GNPAT: variants seen among roughly 807,000 people sequenced by gnomAD.
GNPAT encodes the protein dihydroxyacetone phosphate acyltransferase.
Under a neutral mutation model 78.4 loss-of-function variants are expected in GNPAT, and 30 were observed. That is an observed-to-expected ratio of 0.38 (90% confidence interval 0.29 to 0.52). GNPAT has a LOEUF of 0.52. GNPAT is among the 20% of genes least tolerant of loss of function. The probability of loss-of-function intolerance (pLI) is 0.84; values close to 1 mark genes in which losing one functional copy is unlikely to be tolerated. For synonymous variants in GNPAT, 271 were observed against 281.1 expected (o/e 0.96, Z 0.36); for missense variants, 714 against 812.2 (o/e 0.88, Z 1.47).
At chr1:231,275,987 A>C in intron 14 of GNPAT, 148 bp from the exon 15 acceptor site, 1 of 607,152 alleles carries the variant, frequency 1.6e-6, no homozygotes, top group Non-Finnish European at 3.0e-6. Context: ...GAGGTGGGAC[A>C]GGAGCCTGAG....
chr1:231,247,280 T>C (rs1427789552), intron 1 of GNPAT, among the ~76,000 whole-genome samples: 1 of 152,134 alleles, frequency 6.6e-6, no homozygotes, highest in Non-Finnish European at 1.5e-5. Context: ...GTGACTTCAT[T>C]CTGTAATTTA....
chr1:231,275,260 T>C lies in GNPAT; in HGVS notation c.1783T>C (p.Phe595Leu). The C allele has an allele frequency of 1.9e-6, 3 of 1,612,800 alleles. No individual in the cohort carries two copies. Among genetic ancestry groups the C allele is most frequent in the Non-Finnish European group, 2.5e-6 (3 of 1,178,716 alleles). ...CCTTTTGAGTGAAGAAGAGGACCACTTCAGTGAGGAACAGTACTTGGCTGC... is the reference window on the plus strand; with the variant it reads ...CCTTTTGAGTGAAGAAGAGGACCACCTCAGTGAGGAACAGTACTTGGCTGC... Reference protein sequence around the residue: ...KYLLSEEEDHFSEEQYLAAVR... With the variant: ...KYLLSEEEDHLSEEQYLAAVR... The change falls in exon 13 of 16, where the codon TTC becomes CTC. Residue 595 changes from phenylalanine (F) to leucine (L), a missense_variant. Coordinates refer to ENST00000366647, the MANE Select transcript of GNPAT (RefSeq NM_014236.4).
intron 15 of GNPAT, 100 bp downstream of exon 15, chr1:231,276,296 AAGT>A: frequency 1.4e-6 from 1 of 706,838 alleles, no homozygotes. Context: ...AATGATCAGT[AAGT>A]AGTAGAGTTC....
At chr1:231,262,100 A>G (rs775828576) in intron 3 of GNPAT, among the ~76,000 whole-genome samples, 4 of 152,252 alleles carry the variant, frequency 2.6e-5, no homozygotes, top group Non-Finnish European at 5.9e-5. Context: ...CCTGAGGAGT[A>G]TATTTGGAAA....
chr1:231,253,627 G>T (rs934127221), intron 2 of GNPAT, among the ~76,000 whole-genome samples: 15 of 152,122 alleles, frequency 9.9e-5, no homozygotes, highest in Admixed American at 4.6e-4. Flanking sequence ...GTTTTATCAG[G>T]TTGGGCCTAT....
intron 5 of GNPAT, 70 bp downstream of exon 5, chr1:231,265,490 T>G (rs1558334098): frequency 1.5e-6 from 2 of 1,311,992 alleles, no homozygotes; most frequent in Non-Finnish European, 2.2e-6. Flanking sequence ...ATTTAAACTC[T>G]TAACTTCTGA....
chr1:231,273,379 G>A (rs1347235342), intron 11 of GNPAT, among the ~76,000 whole-genome samples: 1 of 150,360 alleles, frequency 6.7e-6, no homozygotes, highest in Non-Finnish European at 1.5e-5. Context: ...AGCCTCCCAA[G>A]TAGCAGGGAC....
At chr1:231,246,065 A>G (rs1329651764) in intron 1 of GNPAT, among the ~76,000 whole-genome samples, 1 of 152,158 alleles carries the variant, frequency 6.6e-6, no homozygotes, top group Non-Finnish European at 1.5e-5. Flanking sequence ...TTTTCTCATT[A>G]TTGTACTATT....
chr1:231,275,420 A>T lies in GNPAT; in HGVS notation c.1859A>T (p.Tyr620Phe). 1 of 1,609,530 alleles carries T rather than the reference A, an allele frequency of 6.2e-7. No individual in the cohort carries two copies. Among genetic ancestry groups the T allele is most frequent in the Non-Finnish European group, 8.5e-7 (1 of 1,175,794 alleles). Reference sequence around the variant, plus strand: ...CCAATTTTAGGTACCTCTCAATGTTATGATGTATTATCTTCTGATGTGCAG... The same window carrying T: ...CCAATTTTAGGTACCTCTCAATGTTTTGATGTATTATCTTCTGATGTGCAG... ...QLLDQGTSQC[Y>F]DVLSSDVQKN... The change falls in exon 14 of 16, where the codon TAT becomes TTT. Residue 620 changes from tyrosine (Y) to phenylalanine (F), a missense_variant. Physicochemically the swap from Tyr to Phe is conservative, Grantham distance 22 (BLOSUM62 3). Coordinates refer to ENST00000366647, the MANE Select transcript of GNPAT (RefSeq NM_014236.4).
intron 2 of GNPAT, among the ~76,000 whole-genome samples, chr1:231,258,786 A>T (rs531553476): frequency 1.3e-5 from 2 of 149,392 alleles, no homozygotes; most frequent in African/African-American, 4.9e-5. Flanking sequence ...ACCCACCACC[A>T]CACCCAGCTA....
chr1:231,242,840 TGTATC>T (rs1283456138), intron 1 of GNPAT, among the ~76,000 whole-genome samples: 1 of 152,262 alleles, frequency 6.6e-6, no homozygotes, highest in Non-Finnish European at 1.5e-5. Context: ...CTATGGCAGT[TGTATC>T]TGAGCATTCT....
chr1:231,243,825 T>TA (rs1684680299), intron 1 of GNPAT, among the ~76,000 whole-genome samples: 1 of 152,212 alleles, frequency 6.6e-6, no homozygotes, highest in South Asian at 2.1e-4. Context: ...TCCTTAGGGA[T>TA]AAAATCTTAA....
At chr1:231,260,872 A>G (rs986963465) in intron 3 of GNPAT, among the ~76,000 whole-genome samples, 189 bp downstream of exon 3, 5 of 152,210 alleles carry the variant, frequency 3.3e-5, no homozygotes, top group Admixed American at 6.5e-5. Context: ...GCATCTCTGA[A>G]GGTTGTTTTC....
At chr1:231,251,282 CGT>C in intron 2 of GNPAT, 139 bp downstream of exon 2, 2 of 609,382 alleles carry the variant, frequency 3.3e-6, no homozygotes, top group Non-Finnish European at 5.9e-6. Flanking sequence ...TTACTGTATC[CGT>C]GTGTGTTAGC....
At chr1:231,260,071 T>G (rs749902739) in intron 2 of GNPAT, among the ~76,000 whole-genome samples, 3 of 152,236 alleles carry the variant, frequency 2.0e-5, no homozygotes, top group Non-Finnish European at 4.4e-5. Flanking sequence ...TTGATAGATC[T>G]GATGTAGTCT....
chr1:231,270,784 C>A lies in GNPAT; in HGVS notation c.1306C>A (p.Pro436Thr). The change falls in exon 10 of 16, where the codon CCG becomes ACG. Residue 436 changes from proline (P) to threonine (T), a missense_variant. Transcript: ENST00000366647. Reference sequence around the variant, plus strand: ...TAATAAACCTGCTGAAGAAGTTGTCCCGGCCAGCATTCTTCTGCATTCCAA... The same window carrying A: ...TAATAAACCTGCTGAAGAAGTTGTCACGGCCAGCATTCTTCTGCATTCCAA... ...PDNKPAEEVVPASILLHSNIA... is the reference protein window; with the variant it reads ...PDNKPAEEVVTASILLHSNIA... 6.2e-7 allele frequency: 1 copy of A among 1,613,812 alleles called. No homozygotes were observed. Among genetic ancestry groups the A allele is most frequent in the Non-Finnish European group, 8.5e-7 (1 of 1,179,870 alleles).
At chr1:231,249,187 G>C (rs1377592915) in intron 1 of GNPAT, among the ~76,000 whole-genome samples, 1 of 152,210 alleles carries the variant, frequency 6.6e-6, no homozygotes, top group Non-Finnish European at 1.5e-5. Flanking sequence ...AATGAGAAAT[G>C]TGGGATTTGA....
intron 1 of GNPAT, among the ~76,000 whole-genome samples, chr1:231,245,901 G>A (rs1684734036): frequency 6.6e-6 from 1 of 152,084 alleles, no homozygotes; most frequent in African/African-American, 2.4e-5. Flanking sequence ...CCCGGGAGGT[G>A]GAAGTTGCAG....
chr1:231,272,149 G>C (rs1685587421), intron 10 of GNPAT, among the ~76,000 whole-genome samples, 163 bp from the exon 11 acceptor site: 1 of 152,166 alleles, frequency 6.6e-6, no homozygotes, highest in Non-Finnish European at 1.5e-5. Flanking sequence ...CTGTGGGTAA[G>C]ATTTGGGTTT....
Sources: allele counts gnomAD v4.1 joint callset (sites outside exome capture counted in the v4.1 genomes callset), GRCh38; gene constraint gnomAD v4.1.1; transcripts MANE v1.5; gene names NCBI Gene and HGNC (gene_info 2026-07-23, HGNC 2026-07-21).